EPB41L4A: variants seen among roughly 807,000 people sequenced by gnomAD.
EPB41L4A encodes band 4.1-like protein 4A.
EPB41L4A carries 100 observed loss-of-function variants against 108.6 expected under a neutral mutation model. The ratio of observed to expected loss-of-function variants is 0.92; its 90% CI spans 0.78 to 1.09. EPB41L4A has a LOEUF of 1.09. Ranked by LOEUF, EPB41L4A falls within the 50% of genes least tolerant of loss-of-function variation. EPB41L4A has a pLI of 0.00. For synonymous variants in EPB41L4A, 319 were observed against 289.0 expected, an observed-to-expected ratio of 1.10 and a Z score of -1.05; for missense variants, 1,030 against 842.7, an observed-to-expected ratio of 1.22 and a Z score of -2.75.
rs1413580907 is a variant in EPB41L4A, at chr5:112,271,935, T to A, written c.335+3391A>T. ...ACCTGAAAGTCCCCCCAGTTTCATTTACTTCAGAAAACATCTTAGAACACA... is the reference window on the plus strand; with the variant it reads ...ACCTGAAAGTCCCCCCAGTTTCATTAACTTCAGAAAACATCTTAGAACACA... On this transcript the variant is annotated intron_variant, in intron 4 of 22. Coordinates refer to ENST00000261486, the MANE Select transcript of EPB41L4A (RefSeq NM_022140.5). Among the ~76,000 whole-genome samples the A allele has an allele frequency of 3.3e-5, 5 of 152,314 alleles. 1 individual carries two copies. The South Asian group carries it at 1.0e-3, about 32-fold the overall frequency.
At chr5:112,232,443 C>G (rs779192513) in intron 12 of EPB41L4A, among the ~76,000 whole-genome samples, 60 of 152,282 alleles carry the variant, frequency 3.9e-4, no homozygotes, top group Middle Eastern at 3.4e-3. Context: ...GCAAGGTAAT[C>G]TATTGCAAAT....
chr5:112,391,410 T>C (rs1314334575), intron 1 of EPB41L4A, among the ~76,000 whole-genome samples: 3 of 152,070 alleles, frequency 2.0e-5, no homozygotes, highest in Non-Finnish European at 2.9e-5. Flanking sequence ...GAAAAGGCCA[T>C]GGCACAAGAA....
chr5:112,285,218 C>A (rs10068536), intron 2 of EPB41L4A, among the ~76,000 whole-genome samples: 9,320 of 152,126 alleles, frequency 0.061, 319 homozygotes, highest in Non-Finnish European at 0.068. Flanking sequence ...TTCCTGTAGG[C>A]CAAATAAAAG....
intron 1 of EPB41L4A, among the ~76,000 whole-genome samples, chr5:112,385,507 CA>C (rs201988960): frequency 0.11 from 8,382 of 75,622 alleles, 580 homozygotes; most frequent in African/African-American, 0.27. Flanking sequence ...TGGTTATTTT[CA>C]AAAAAAAAAA....
chr5:112,192,394 T>C (rs988764228), intron 17 of EPB41L4A, among the ~76,000 whole-genome samples: 1 of 152,206 alleles, frequency 6.6e-6, no homozygotes, highest in African/African-American at 2.4e-5. Flanking sequence ...CCACATCTTC[T>C]ACAGCCATAG....
chr5:112,216,594 T>C (rs1453080054), intron 12 of EPB41L4A, among the ~76,000 whole-genome samples: 3 of 152,158 alleles, frequency 2.0e-5, no homozygotes, highest in African/African-American at 7.2e-5. Flanking sequence ...ACAATCACAT[T>C]TTCTTCCCTT....
chr5:112,260,039 A>G (rs1366888445), intron 7 of EPB41L4A, 60 bp from the exon 8 acceptor site: 13 of 1,163,032 alleles, frequency 1.1e-5, no homozygotes, highest in East Asian at 2.4e-5. Flanking sequence ...TTGTCAAACT[A>G]TAATTGACCA....
intron 1 of EPB41L4A, among the ~76,000 whole-genome samples, chr5:112,330,626 A>G (rs960022244): frequency 2.6e-5 from 4 of 152,106 alleles, no homozygotes; most frequent in Non-Finnish European, 4.4e-5. Flanking sequence ...AACTAGCCCA[A>G]TGCCTTAAAC....
At chr5:112,293,947 T>C (rs1443652225) in intron 2 of EPB41L4A, among the ~76,000 whole-genome samples, 1 of 152,228 alleles carries the variant, frequency 6.6e-6, no homozygotes, top group Non-Finnish European at 1.5e-5. Context: ...AGAAGTGCTA[T>C]TTATTATAAA....
chr5:112,267,278 G>A (rs1580568478), intron 4 of EPB41L4A, among the ~76,000 whole-genome samples: 2 of 151,762 alleles, frequency 1.3e-5, no homozygotes, highest in South Asian at 4.2e-4. Context: ...AAGGTGACTC[G>A]ATGTCACTGG....
At chr5:112,146,603 ATTT>A (rs1307354115) in intron 12 of EPB41L4A, among the ~76,000 whole-genome samples, 1 of 152,192 alleles carries the variant, frequency 6.6e-6, no homozygotes, top group Non-Finnish European at 1.5e-5. Context: ...TAAAAAATTT[ATTT>A]TTGTCTAGCA....
intron 1 of EPB41L4A, among the ~76,000 whole-genome samples, chr5:112,365,410 A>C (rs1286927942): frequency 1.3e-5 from 2 of 152,198 alleles, no homozygotes; most frequent in African/African-American, 4.8e-5. Flanking sequence ...CATAGGGAAA[A>C]AGTATGTAAA....
chr5:112,378,582 A>G (rs1233334371), intron 1 of EPB41L4A, among the ~76,000 whole-genome samples: 1 of 152,180 alleles, frequency 6.6e-6, no homozygotes, highest in Non-Finnish European at 1.5e-5. Flanking sequence ...ACATCACACA[A>G]TCATTTAACT....
intron 1 of EPB41L4A, among the ~76,000 whole-genome samples, chr5:112,398,811 G>A (rs917334289): frequency 6.6e-6 from 1 of 151,834 alleles, no homozygotes; most frequent in Non-Finnish European, 1.5e-5. Flanking sequence ...AATCTTATTC[G>A]AGTTCATAGG....
At chr5:112,350,476 C>G (rs1757969138) in intron 1 of EPB41L4A, among the ~76,000 whole-genome samples, 1 of 152,184 alleles carries the variant, frequency 6.6e-6, no homozygotes, top group African/African-American at 2.4e-5. Context: ...CATTTCTGTT[C>G]TGAATATTAC....
chr5:112,305,763 G>C (rs937461201), intron 2 of EPB41L4A, among the ~76,000 whole-genome samples: 9 of 152,064 alleles, frequency 5.9e-5, no homozygotes, highest in African/African-American at 2.2e-4. Flanking sequence ...AACAGGGAAA[G>C]AATACTTTTT....
At chr5:112,373,834 T>C (rs1430842115) in intron 1 of EPB41L4A, among the ~76,000 whole-genome samples, 1 of 152,226 alleles carries the variant, frequency 6.6e-6, no homozygotes, top group Non-Finnish European at 1.5e-5. Flanking sequence ...CTAACACATA[T>C]TTTAATGGAG....
chr5:112,207,650 C>A (rs1181932745), intron 13 of EPB41L4A, among the ~76,000 whole-genome samples: 1 of 152,114 alleles, frequency 6.6e-6, no homozygotes, highest in Non-Finnish European at 1.5e-5. Context: ...GACATACATG[C>A]AACCAACAAA....
At position 112,170,998 on chromosome 5, in the gene EPB41L4A, A is replaced by C. The variant is rs1760548621; in HGVS notation, c.1623-6T>G. The C allele has an allele frequency of 6.2e-7, 1 of 1,612,224 alleles. No individual in the cohort carries two copies. The highest frequency in any genetic ancestry group is 1.1e-5 in the South Asian group (1 of 91,020). On this transcript the variant is annotated splice_region_variant and splice_polypyrimidine_tract_variant and intron_variant, in intron 18 of 22. Coordinates refer to ENST00000261486, the MANE Select transcript of EPB41L4A (RefSeq NM_022140.5). ...CTTGGATATCGGGGCTTCTCCTATAAATAGAGAAAACAACATTCATCTCTG... is the reference window on the plus strand; with the variant it reads ...CTTGGATATCGGGGCTTCTCCTATACATAGAGAAAACAACATTCATCTCTG...
Sources: allele counts gnomAD v4.1 joint callset (sites outside exome capture counted in the v4.1 genomes callset), GRCh38; gene constraint gnomAD v4.1.1; transcripts MANE v1.5; gene names NCBI Gene and HGNC (gene_info 2026-07-23, HGNC 2026-07-21).